The following TNKS variants were observed in gnomAD, a reference collection of about 807,000 sequenced individuals.
TNKS encodes poly [ADP-ribose] polymerase tankyrase-1.
TNKS carries 72 observed loss-of-function variants against 135.8 expected under a neutral mutation model. The observed-to-expected ratio is 0.53, with a 90% confidence interval of 0.44 to 0.64. The LOEUF (loss-of-function observed/expected upper bound fraction) is 0.64. TNKS is among the 30% of genes least tolerant of loss of function. The probability of loss-of-function intolerance (pLI) is 0.00; values close to 1 mark genes in which losing one functional copy is unlikely to be tolerated. For synonymous variants in TNKS, 849 were observed against 649.3 expected, an observed-to-expected ratio of 1.31 and a Z score of -4.68; for missense variants, 1,769 against 1,674.0, an observed-to-expected ratio of 1.06 and a Z score of -0.99.
At chr8:9,609,140 G>T (rs983552711) in intron 2 of TNKS, among the ~76,000 whole-genome samples, 1 of 151,886 alleles carries the variant, frequency 6.6e-6, no homozygotes, top group Non-Finnish European at 1.5e-5. Context: ...AATAAGCATG[G>T]TTCTTTTTGT....
intron 5 of TNKS, among the ~76,000 whole-genome samples, chr8:9,690,612 T>C (rs1803220101): frequency 6.6e-6 from 1 of 151,930 alleles, no homozygotes; most frequent in Non-Finnish European, 1.5e-5. Flanking sequence ...ATGTAAAAAT[T>C]AGCTGGGTGG....
chr8:9,605,955 A>C (rs926558355), intron 2 of TNKS, among the ~76,000 whole-genome samples: 2 of 151,952 alleles, frequency 1.3e-5, no homozygotes, highest in African/African-American at 4.8e-5. Flanking sequence ...GATAAAACAC[A>C]GTTTATTGGT....
At chr8:9,593,949 C>G (rs1295907945) in intron 2 of TNKS, among the ~76,000 whole-genome samples, 1 of 152,030 alleles carries the variant, frequency 6.6e-6, no homozygotes, top group Non-Finnish European at 1.5e-5. Flanking sequence ...TGCAATGGCA[C>G]GATCTCAGCT....
chr8:9,583,259 C>T (rs1043310736), intron 2 of TNKS, among the ~76,000 whole-genome samples: 1 of 150,060 alleles, frequency 6.7e-6, no homozygotes, highest in Non-Finnish European at 1.5e-5. Context: ...AAAATTCAAA[C>T]TGAGATTATT....
Position 9,645,320 on chromosome 8 carries a change from T to A in TNKS, c.994+29643T>A, listed in dbSNP as rs572226763. The stretch of plus-strand genomic sequence containing the variant: ...GAAGAGAAGCCCATTCATACTGGAA[T>A]GGTGTGAATTCACCACAGTGGTCAG... On this transcript the variant is annotated intron_variant, in intron 3 of 26. Coordinates refer to ENST00000310430, the MANE Select transcript of TNKS (RefSeq NM_003747.3). Among the ~76,000 whole-genome samples the A allele has an allele frequency of 3.9e-5, 6 of 152,194 alleles. No individual in the cohort carries two copies. The South Asian group carries it at 1.2e-3, about 31-fold the overall frequency.
At chr8:9,721,002 C>T (rs574869039) in intron 12 of TNKS, among the ~76,000 whole-genome samples, 1 of 152,000 alleles carries the variant, frequency 6.6e-6, no homozygotes, top group African/African-American at 2.4e-5. Flanking sequence ...TAATTATAGG[C>T]CGGGCACAGT....
At chr8:9,770,487 G>C (rs1378982130) in intron 26 of TNKS, among the ~76,000 whole-genome samples, 1 of 152,228 alleles carries the variant, frequency 6.6e-6, no homozygotes, top group African/African-American at 2.4e-5. Flanking sequence ...GTGAACAAGA[G>C]GGCAGCTGAG....
At chr8:9,570,389 T>C (rs1318961362) in intron 1 of TNKS, among the ~76,000 whole-genome samples, 1 of 147,810 alleles carries the variant, frequency 6.8e-6, no homozygotes, top group African/African-American at 2.5e-5. Context: ...GAATGAAACA[T>C]AATGTCCTGG....
At chr8:9,697,287 T>C (rs186287194) in intron 5 of TNKS, among the ~76,000 whole-genome samples, 7 of 152,272 alleles carry the variant, frequency 4.6e-5, no homozygotes, top group Admixed American at 4.6e-4. Context: ...TTTCCTCATA[T>C]ACAAAAGTTA....
intron 1 of TNKS, chr8:9,574,964 A>T: frequency 1.2e-6 from 1 of 838,476 alleles, no homozygotes; most frequent in Non-Finnish European, 1.4e-6. Context: ...GGTAAGAAGC[A>T]AGTGGAGATG....
intron 12 of TNKS, among the ~76,000 whole-genome samples, chr8:9,725,419 T>A (rs769964404): frequency 1.1e-4 from 17 of 152,224 alleles, no homozygotes; most frequent in Non-Finnish European, 2.1e-4. Flanking sequence ...CTCAGCATTT[T>A]ACCTGCTATT....
intron 12 of TNKS, among the ~76,000 whole-genome samples, chr8:9,723,865 C>G (rs1396908678): frequency 6.6e-6 from 1 of 151,782 alleles, no homozygotes; most frequent in East Asian, 1.9e-4. Context: ...GATTGTATAA[C>G]CCAGTGTGGG....
chr8:9,748,156 G>A lies in TNKS; in HGVS notation c.2776G>A (p.Gly926Ser). The A allele has an allele frequency of 1.2e-6, 2 of 1,604,902 alleles. No individual in the cohort carries two copies. Among genetic ancestry groups the A allele is most frequent in the Non-Finnish European group, 1.7e-6 (2 of 1,175,654 alleles). Residue 926 changes from glycine to serine, a missense_variant, in exon 18 of 27, where the codon GGT becomes AGT. Coordinates refer to ENST00000310430, the MANE Select transcript of TNKS (RefSeq NM_003747.3). ...TQLCALLLAH[G>S]ADPTMKNQEG... ...GCTGTGCGCCCTCCTCCTAGCGCAT[G>A]GTGCAGACCCCACCATGAAGAACCA... is the stretch of plus-strand genomic sequence containing the variant.
chr8:9,629,705 C>T (rs1345676879), intron 3 of TNKS, among the ~76,000 whole-genome samples: 10 of 152,174 alleles, frequency 6.6e-5, no homozygotes, highest in Admixed American at 1.3e-4. Flanking sequence ...TTTTTTGAGA[C>T]GAAGTCTCGC....
intron 3 of TNKS, among the ~76,000 whole-genome samples, chr8:9,639,800 G>C (rs1033981794): frequency 6.6e-6 from 1 of 152,140 alleles, no homozygotes; most frequent in Non-Finnish European, 1.5e-5. Flanking sequence ...AAGCAAAAGG[G>C]CTTCTTTGAG....
At chr8:9,747,883 CTT>C (rs551933307) in intron 17 of TNKS, 139 bp from the exon 18 acceptor site, 6 of 829,504 alleles carry the variant, frequency 7.2e-6, no homozygotes, top group African/African-American at 1.8e-5. Flanking sequence ...CTGAAATACT[CTT>C]TTTTTTAGAA....
chr8:9,580,051 A>G (rs1798109345), intron 1 of TNKS, 108 bp from the exon 2 acceptor site: 1 of 831,084 alleles, frequency 1.2e-6, no homozygotes, highest in Non-Finnish European at 2.0e-6. Flanking sequence ...TTTACTATAG[A>G]GTGCAGTACT....
At chr8:9,581,507 C>G (rs1683296282) in intron 2 of TNKS, among the ~76,000 whole-genome samples, 5 of 152,184 alleles carry the variant, frequency 3.3e-5, no homozygotes, top group African/African-American at 7.2e-5. Flanking sequence ...GAAGCTTCAA[C>G]TTATAACATC....
chr8:9,709,890 C>G (rs562705409), intron 9 of TNKS, 65 bp from the exon 10 acceptor site: 5 of 1,257,888 alleles, frequency 4.0e-6, no homozygotes, highest in Admixed American at 1.8e-5. Context: ...AGATACTGTT[C>G]AATTCCAAGA....
Sources: allele counts gnomAD v4.1 joint callset (sites outside exome capture counted in the v4.1 genomes callset), GRCh38; gene constraint gnomAD v4.1.1; transcripts MANE v1.5; gene names NCBI Gene and HGNC (gene_info 2026-07-23, HGNC 2026-07-21).